Variants in CMC1 observed in about 807,000 individuals in gnomAD.
The protein encoded by CMC1 is C-X9-C motif containing 1.
In CMC1, 14 loss-of-function variants were observed where a neutral mutation model predicts 14.1. That is an observed-to-expected ratio of 0.99 (90% CI 0.66 to 1.55). CMC1 has a LOEUF of 1.55. CMC1 is among the 40% of genes most tolerant of loss of function. The probability of loss-of-function intolerance (pLI) is 0.00; values close to 1 mark genes in which losing one functional copy is unlikely to be tolerated. For synonymous variants in CMC1, 50 were observed against 38.4 expected (o/e 1.30, Z -1.12); for missense variants, 127 against 123.8 (o/e 1.03, Z -0.12).
intron 1 of CMC1, among the ~76,000 whole-genome samples, chr3:28,259,534 G>T (rs973607413): frequency 6.6e-6 from 1 of 152,076 alleles, no homozygotes; most frequent in Non-Finnish European, 1.5e-5. Flanking sequence ...GTTGATTCAG[G>T]TACTAATCTT....
In CMC1 at chr3:28,272,579, C is replaced by T. The variant is rs142248484; in HGVS notation, c.109+9199C>T. On this transcript the variant is annotated intron_variant, in intron 2 of 3. Transcript: ENST00000466830. ...ATCGTGGGGATGAAGGTGACTTCAT[C>T]GTGGTGGATAAACGTCTTGATGTGC... Among the ~76,000 whole-genome samples, 1,288 of 152,220 alleles carry T rather than the reference C, an allele frequency of 8.5e-3. 8 individuals are homozygous for T. The highest frequency in any genetic ancestry group is 0.012 in the Non-Finnish European group (809 of 68,014).
intron 2 of CMC1, among the ~76,000 whole-genome samples, chr3:28,283,542 C>CAACAAAAACAAA (rs1250031613): frequency 1.2e-5 from 1 of 83,982 alleles, no homozygotes; most frequent in African/African-American, 4.6e-5. Context: ...ACAACAACAA[C>CAACAAAAACAAA]AACAAAAACA....
In CMC1 at chr3:28,322,404, G is replaced by C. The variant is rs1703213013; in HGVS notation, c.*2775G>C. ...TTTAATTAAACAATTTCTTGGTATT[G>C]TTCAAAACATTAATCAAGCAATTAT... On this transcript the variant is annotated 3_prime_UTR_variant, in exon 4 of 4. Coordinates refer to ENST00000466830, the MANE Select transcript of CMC1 (RefSeq NM_182523.2). 6.6e-6 allele frequency: 1 copy of C among 151,452 alleles called. No homozygotes were observed. The highest frequency in any genetic ancestry group is 2.4e-5 in the African/African-American group (1 of 41,280). The allele number at this position is 151,452 out of a possible 1,614,324, so 9.4% of individuals were successfully genotyped here. A position where few individuals can be genotyped will look rare whatever the true frequency, so the allele number is the denominator to read the frequency against.
At chr3:28,286,750 T>G (rs1230898764) in intron 2 of CMC1, among the ~76,000 whole-genome samples, 2 of 152,154 alleles carry the variant, frequency 1.3e-5, no homozygotes. Context: ...GGAACTGAAG[T>G]GTATATTATG....
At chr3:28,295,163 C>T (rs1268043396) in intron 2 of CMC1, among the ~76,000 whole-genome samples, 2 of 152,034 alleles carry the variant, frequency 1.3e-5, no homozygotes, top group Non-Finnish European at 2.9e-5. Flanking sequence ...CTTTTGTCTC[C>T]TTAGCCTTTA....
chr3:28,290,361 T>A (rs1424743508), intron 2 of CMC1, among the ~76,000 whole-genome samples: 1 of 152,150 alleles, frequency 6.6e-6, no homozygotes, highest in Non-Finnish European at 1.5e-5. Context: ...CTAATAGATT[T>A]GTGACATGTA....
At chr3:28,279,850 G>A (rs1700784021) in intron 2 of CMC1, among the ~76,000 whole-genome samples, 1 of 152,304 alleles carries the variant, frequency 6.6e-6, no homozygotes. Flanking sequence ...TTGCCAGAAT[G>A]GCTACAATTA....
chr3:28,264,775 A>T, intron 2 of CMC1, among the ~76,000 whole-genome samples: 1 of 152,180 alleles, frequency 6.6e-6, no homozygotes, highest in Admixed American at 6.6e-5. Context: ...TTTTACTGCT[A>T]GGAAAATTTA....
intron 1 of CMC1, among the ~76,000 whole-genome samples, chr3:28,252,158 G>A (rs79975648): frequency 3.3e-5 from 5 of 152,174 alleles, no homozygotes; most frequent in African/African-American, 7.2e-5. Context: ...AGCAGTGTGG[G>A]TGGAAGAGGA....
At chr3:28,242,927 T>A (rs1698607169) in intron 1 of CMC1, among the ~76,000 whole-genome samples, 1 of 152,154 alleles carries the variant, frequency 6.6e-6, no homozygotes, top group African/African-American at 2.4e-5. Context: ...GTTTAGATAG[T>A]AAGGTGCACT....
At chr3:28,287,620 TTG>T (rs751627207) in intron 2 of CMC1, among the ~76,000 whole-genome samples, 17 of 152,086 alleles carry the variant, frequency 1.1e-4, no homozygotes, top group Non-Finnish European at 1.9e-4. Flanking sequence ...TTAAAAAGAT[TTG>T]TGTGTTTTAA....
chr3:28,245,008 C>T (rs1157458377), intron 1 of CMC1, among the ~76,000 whole-genome samples: 1 of 141,366 alleles, frequency 7.1e-6, no homozygotes, highest in Non-Finnish European at 1.5e-5. Context: ...AGCTTAGTTT[C>T]ACATTTTGAT....
chr3:28,267,829 G>A (rs969226420), intron 2 of CMC1, among the ~76,000 whole-genome samples: 1 of 152,186 alleles, frequency 6.6e-6, no homozygotes, highest in African/African-American at 2.4e-5. Context: ...GAACAGCATT[G>A]AAATAGGTTG....
rs1386958908 is a variant in CMC1, at chr3:28,324,377, A to G, written c.*4748A>G. 4 of 1,571,846 alleles carry G rather than the reference A, an allele frequency of 2.5e-6. No individual in the cohort carries two copies. The South Asian group carries it at 3.5e-5, about 14-fold the overall frequency. On this transcript the variant is annotated 3_prime_UTR_variant, in exon 4 of 4. Coordinates refer to ENST00000466830, the MANE Select transcript of CMC1 (RefSeq NM_182523.2). ...GGTAAGAGAGGGGGATGTCTTGTGT[A>G]TGTTGCAGTAAAATTCATCAAGTGC... is the stretch of plus-strand genomic sequence containing the variant.
chr3:28,308,938 A>G (rs1030121511), intron 2 of CMC1, among the ~76,000 whole-genome samples: 3 of 151,852 alleles, frequency 2.0e-5, no homozygotes, highest in Admixed American at 6.6e-5. Context: ...AGCCAAGATC[A>G]TGCCACTGCA....
intron 3 of CMC1, chr3:28,318,979 C>A: frequency 9.0e-6 from 2 of 223,440 alleles, no homozygotes; most frequent in Non-Finnish European, 1.8e-5. Context: ...TTGCCCATTC[C>A]ATCTTCATTT....
intron 1 of CMC1, chr3:28,263,042 T>C: frequency 2.7e-6 from 1 of 375,968 alleles, no homozygotes; most frequent in South Asian, 3.3e-5. Context: ...AAAGTAAAGA[T>C]GTTGTAGTAT....
At chr3:28,270,712 G>A (rs1039939371) in intron 2 of CMC1, among the ~76,000 whole-genome samples, 1 of 151,684 alleles carries the variant, frequency 6.6e-6, no homozygotes, top group African/African-American at 2.4e-5. Context: ...GTCTGTTCAC[G>A]CTTATGATAG....
rs779049060 is a variant in CMC1 at position 28,324,370 on chromosome 3, C to T, written c.*4741C>T. On this transcript the variant is annotated 3_prime_UTR_variant, in exon 4 of 4. Coordinates refer to ENST00000466830, the MANE Select transcript of CMC1 (RefSeq NM_182523.2). Reference sequence around the variant, plus strand: ...GCCATTTGGTAAGAGAGGGGGATGTCTTGTGTATGTTGCAGTAAAATTCAT... The same window carrying T: ...GCCATTTGGTAAGAGAGGGGGATGTTTTGTGTATGTTGCAGTAAAATTCAT... 1.4e-5 allele frequency: 22 copies of T among 1,583,642 alleles called. No individual in the cohort carries two copies. The highest frequency in any genetic ancestry group is 1.7e-4 in the Middle Eastern group (1 of 5,854).
Sources: allele counts gnomAD v4.1 joint callset (sites outside exome capture counted in the v4.1 genomes callset), GRCh38; gene constraint gnomAD v4.1.1; transcripts MANE v1.5; gene names NCBI Gene and HGNC (gene_info 2026-07-23, HGNC 2026-07-21).